Variants in RIMKLB observed in about 807,000 individuals in gnomAD.
RIMKLB encodes beta-citrylglutamate synthase B.
RIMKLB carries 7 observed loss-of-function variants against 32.0 expected under a neutral mutation model. That is an observed-to-expected ratio of 0.22 (90% confidence interval 0.12 to 0.41). The LOEUF (loss-of-function observed/expected upper bound fraction) is 0.41, where lower values mean the gene tolerates loss of function less well. Ranked by LOEUF, RIMKLB falls within the 10% of genes least tolerant of loss-of-function variation. The pLI is 1.00. For missense variants in RIMKLB, 289 were observed against 498.7 expected, an observed-to-expected ratio of 0.58 and a Z score of 4.00; for synonymous variants, 172 against 185.1, an observed-to-expected ratio of 0.93 and a Z score of 0.57.
chr12:8,727,494 C>T (rs1211308210), intron 2 of RIMKLB, among the ~76,000 whole-genome samples: 3 of 152,208 alleles, frequency 2.0e-5, no homozygotes, highest in African/African-American at 7.2e-5. Flanking sequence ...GCCTCGGCCT[C>T]CCAGAGTGCT....
In RIMKLB at chr12:8,726,252, T is replaced by C. The variant is rs1307459655; in HGVS notation, c.175+12211T>C. ...GCGTTCTGGATTTTGGCCAGTAAGA[T>C]GTAGTGGTATCTCTCACTGTTAAAA... On this transcript the variant is annotated intron_variant, in intron 2 of 5. Transcript: ENST00000535829. 2.0e-5 allele frequency among the ~76,000 whole-genome samples: 3 copies of C among 152,232 alleles called. No individual in the cohort carries two copies. The South Asian group carries it at 6.2e-4, about 31-fold the overall frequency.
intron 2 of RIMKLB, among the ~76,000 whole-genome samples, chr12:8,716,732 T>C (rs1295815748): frequency 4.2e-5 from 6 of 141,744 alleles, no homozygotes; most frequent in African/African-American, 1.3e-4. Flanking sequence ...CTTCTTTTTT[T>C]TTTTTTTTTT....
chr12:8,708,550 G>A (rs1322340026), intron 1 of RIMKLB, among the ~76,000 whole-genome samples: 1 of 152,088 alleles, frequency 6.6e-6, no homozygotes, highest in Non-Finnish European at 1.5e-5. Flanking sequence ...AAGGAAATTT[G>A]ATCCAGTAAG....
chr12:8,674,995 C>T, the RIMKLB span, among the ~76,000 whole-genome samples: 1 of 151,062 alleles, frequency 6.6e-6, no homozygotes, highest in Non-Finnish European at 1.5e-5. Flanking sequence ...TCCCGAGTAG[C>T]CGGGATTACA....
chr12:8,766,535 T>A (rs896580449), intron 5 of RIMKLB, among the ~76,000 whole-genome samples: 4 of 152,206 alleles, frequency 2.6e-5, no homozygotes, highest in Admixed American at 2.0e-4. Context: ...TCTTTTTGAT[T>A]CTGTAAGTAC....
chr12:8,744,865 CT>C, intron 2 of RIMKLB, among the ~76,000 whole-genome samples: 1 of 151,798 alleles, frequency 6.6e-6, no homozygotes, highest in African/African-American at 2.4e-5. Context: ...TATTATTGTA[CT>C]TTAAGTTCTA....
intron 5 of RIMKLB, among the ~76,000 whole-genome samples, chr12:8,769,273 A>G (rs888756240): frequency 6.7e-6 from 1 of 150,352 alleles, no homozygotes; most frequent in Non-Finnish European, 1.5e-5. Flanking sequence ...GGCCTGTAAC[A>G]TTTTTTTTTA....
At chr12:8,746,315 A>G (rs1439788879) in intron 2 of RIMKLB, among the ~76,000 whole-genome samples, 1 of 151,654 alleles carries the variant, frequency 6.6e-6, no homozygotes, top group Non-Finnish European at 1.5e-5. Context: ...CTAAGAAATG[A>G]TATCAAGGGC....
chr12:8,682,232 C>T (rs1942427939), intron 1 of RIMKLB, among the ~76,000 whole-genome samples: 1 of 152,144 alleles, frequency 6.6e-6, no homozygotes, highest in South Asian at 2.1e-4. Context: ...TAAATCGGGA[C>T]ACGAGAGGGC....
At chr12:8,758,177 C>A (rs927276335) in intron 5 of RIMKLB, among the ~76,000 whole-genome samples, 4 of 151,882 alleles carry the variant, frequency 2.6e-5, no homozygotes, top group African/African-American at 9.7e-5. Flanking sequence ...ATTCTGGTAT[C>A]TCATCTATGA....
chr12:8,702,206 C>T (rs1372055502), intron 1 of RIMKLB, among the ~76,000 whole-genome samples: 4 of 152,092 alleles, frequency 2.6e-5, no homozygotes, highest in African/African-American at 9.7e-5. Flanking sequence ...AAATGGTTGT[C>T]GGTTCTTTCT....
chr12:8,727,583 T>A (rs374935264), intron 2 of RIMKLB, among the ~76,000 whole-genome samples: 1 of 152,166 alleles, frequency 6.6e-6, no homozygotes, highest in Non-Finnish European at 1.5e-5. Flanking sequence ...AATTTCACAT[T>A]CACAGATTCA....
intron 5 of RIMKLB, among the ~76,000 whole-genome samples, chr12:8,771,563 G>A (rs1950397740): frequency 6.6e-6 from 1 of 152,162 alleles, no homozygotes. Context: ...TTCTTATATT[G>A]TAAGAGTCTA....
intron 5 of RIMKLB, among the ~76,000 whole-genome samples, chr12:8,768,109 A>ACGG (rs1950117524): frequency 6.6e-6 from 1 of 152,148 alleles, no homozygotes; most frequent in South Asian, 2.1e-4. Flanking sequence ...GGTGAGTGTT[A>ACGG]TAGCTCTATT....
At position 8,714,047 on chromosome 12, in the gene RIMKLB, T is replaced by C. The variant is rs746948185; in HGVS notation, c.175+6T>C. The C allele has an allele frequency of 6.8e-6, 11 of 1,613,024 alleles. No individual in the cohort carries two copies. Among genetic ancestry groups the C allele is most frequent in the South Asian group, 2.2e-5 (2 of 91,008 alleles). On this transcript the variant is annotated splice_donor_region_variant and intron_variant, in intron 2 of 5. Transcript: ENST00000535829. The stretch of plus-strand genomic sequence containing the variant: ...AATCGAGCAAGGAAACCTGGGTAAG[T>C]CTGTATACTAAGTGATCTTTTGGAT...
At chr12:8,706,997 A>G (rs1015143138) in intron 1 of RIMKLB, among the ~76,000 whole-genome samples, 1 of 152,188 alleles carries the variant, frequency 6.6e-6, no homozygotes, top group Non-Finnish European at 1.5e-5. Context: ...TCAGGAGGAA[A>G]GTCACAGAAA....
At chr12:8,782,569 A>G (rs987122043) in intron 7 of RIMKLB, among the ~76,000 whole-genome samples, 1 of 152,080 alleles carries the variant, frequency 6.6e-6, no homozygotes, top group African/African-American at 2.4e-5. Context: ...CTCACTAGAG[A>G]GAACAATTTC....
chr12:8,733,183 C>T (rs1192303612), intron 2 of RIMKLB, among the ~76,000 whole-genome samples: 1 of 151,560 alleles, frequency 6.6e-6, no homozygotes, highest in Non-Finnish European at 1.5e-5. Flanking sequence ...AAGGATGCTG[C>T]TAAATATCTC....
chr12:8,683,331 C>T (rs763419689), intron 1 of RIMKLB, among the ~76,000 whole-genome samples: 9 of 152,104 alleles, frequency 5.9e-5, no homozygotes, highest in Non-Finnish European at 8.8e-5. Flanking sequence ...TGTAAGAAAC[C>T]ACCAATCTGT....
Sources: allele counts gnomAD v4.1 joint callset (sites outside exome capture counted in the v4.1 genomes callset), GRCh38; gene constraint gnomAD v4.1.1; transcripts MANE v1.5; gene names NCBI Gene and HGNC (gene_info 2026-07-23, HGNC 2026-07-21).